The following MAGI1 variants were observed in gnomAD, a reference collection of about 807,000 sequenced individuals.
MAGI1 encodes membrane associated guanylate kinase, WW and PDZ domain containing 1.
In MAGI1, 58 loss-of-function variants were observed where a neutral mutation model predicts 139.9. That is an observed-to-expected ratio of 0.41 (90% CI 0.34 to 0.52). MAGI1 has a LOEUF of 0.52. Among genes scored for constraint, MAGI1 ranks in the 20% least tolerant of loss-of-function variants. The pLI, the probability that MAGI1 is intolerant of heterozygous loss-of-function variation, is 0.12. For missense variants in MAGI1, 1,874 were observed against 1,901.6 expected (o/e 0.99, Z 0.27); for synonymous variants, 812 against 737.9 (o/e 1.10, Z -1.63).
At chr3:65,629,863 C>T (rs1576534533) in intron 1 of MAGI1, among the ~76,000 whole-genome samples, 1 of 151,870 alleles carries the variant, frequency 6.6e-6, no homozygotes, top group African/African-American at 2.4e-5. Flanking sequence ...ATGGCGGTGA[C>T]GGATGCACAA....
At chr3:65,688,455 A>G in intron 1 of MAGI1, 1 of 481,698 alleles carries the variant, frequency 2.1e-6, no homozygotes, top group East Asian at 4.8e-5. Flanking sequence ...GAAAGCATGG[A>G]AACTCAAAAG....
chr3:65,384,759 C>T (rs1173502576), intron 14 of MAGI1, among the ~76,000 whole-genome samples: 1 of 144,310 alleles, frequency 6.9e-6, no homozygotes, highest in African/African-American at 2.6e-5. Flanking sequence ...AACAAACAAA[C>T]AAATAAATAA....
intron 1 of MAGI1, among the ~76,000 whole-genome samples, chr3:65,907,221 T>C (rs781198876): frequency 6.6e-6 from 1 of 152,226 alleles, no homozygotes; most frequent in African/African-American, 2.4e-5. Flanking sequence ...GTTTCAAATA[T>C]AGCATGATGC....
intron 2 of MAGI1, among the ~76,000 whole-genome samples, chr3:65,565,524 C>G (rs532005045): frequency 3.3e-5 from 5 of 152,258 alleles, no homozygotes; most frequent in African/African-American, 9.6e-5. Context: ...TCCAGTATGA[C>G]AGTGTGGCTC....
chr3:65,727,042 A>T (rs2033698938), intron 1 of MAGI1, among the ~76,000 whole-genome samples: 1 of 152,096 alleles, frequency 6.6e-6, no homozygotes, highest in African/African-American at 2.4e-5. Context: ...GTAATTCCAC[A>T]CAATGTTAAC....
chr3:65,449,804 C>A (rs1343840352), intron 6 of MAGI1, among the ~76,000 whole-genome samples: 1 of 151,928 alleles, frequency 6.6e-6, no homozygotes, highest in Non-Finnish European at 1.5e-5. Flanking sequence ...CTCTACTTTT[C>A]CAGAACAGGA....
intron 2 of MAGI1, among the ~76,000 whole-genome samples, chr3:65,591,502 A>T (rs2081962865): frequency 6.6e-6 from 1 of 152,144 alleles, no homozygotes; most frequent in South Asian, 2.1e-4. Context: ...ACTTCCTGTC[A>T]GTGCTCTCTG....
chr3:65,572,759 C>T (rs745734392), intron 2 of MAGI1, among the ~76,000 whole-genome samples: 10 of 151,900 alleles, frequency 6.6e-5, no homozygotes, highest in Admixed American at 1.3e-4. Flanking sequence ...TCATCTTAAA[C>T]GCAGAGAAAT....
chr3:65,840,771 C>T (rs2058776656), intron 1 of MAGI1, among the ~76,000 whole-genome samples: 1 of 152,104 alleles, frequency 6.6e-6, no homozygotes, highest in Non-Finnish European at 1.5e-5. Flanking sequence ...TTATCTTGGT[C>T]TAGTTTTGAT....
At chr3:65,839,022 T>C (rs2058720996) in intron 1 of MAGI1, among the ~76,000 whole-genome samples, 1 of 152,254 alleles carries the variant, frequency 6.6e-6, no homozygotes, top group Non-Finnish European at 1.5e-5. Context: ...TGTTGTCTTT[T>C]GCCCATTTTA....
chr3:65,579,720 G>A lies in MAGI1; in HGVS notation c.430+42252C>T, dbSNP rs181810128. ...AAAGTAGCCGGGAGTGGTGACAGGAGCCTGTAATCCCAGCTACTCGGGAGG... is the reference window on the plus strand; with the variant it reads ...AAAGTAGCCGGGAGTGGTGACAGGAACCTGTAATCCCAGCTACTCGGGAGG... On this transcript the variant is annotated intron_variant, in intron 2 of 22. Coordinates refer to ENST00000402939, the MANE Select transcript of MAGI1 (RefSeq NM_001033057.2). Among the ~76,000 whole-genome samples the A allele has an allele frequency of 6.0e-4, 91 of 152,092 alleles. 1 individual carries two copies. The highest frequency in any genetic ancestry group is 2.0e-3 in the African/African-American group (82 of 41,488).
intron 1 of MAGI1, among the ~76,000 whole-genome samples, chr3:65,706,917 T>A (rs2030404201): frequency 6.6e-6 from 1 of 152,168 alleles, no homozygotes; most frequent in African/African-American, 2.4e-5. Context: ...TTGCTTTAAA[T>A]CCTAGTCCTA....
In MAGI1 at chr3:65,361,227, C is replaced by A; in HGVS notation, c.3606G>T (p.Lys1202Asn). The change falls in exon 22 of 23, where the codon AAG (lysine) becomes AAT (asparagine). Residue 1202 changes from lysine (K) to asparagine (N), a missense_variant. Transcript: ENST00000402939. ...ATTCTGGTACTGAGCCGTCTCCCCG[C>A]TTCAGAAACAGACGAACTCTGCGGC... ...NGGRRVRLFL[K>N]RGDGSVPEYD... The A allele has an allele frequency of 6.2e-7, 1 of 1,614,174 alleles. No individual in the cohort carries two copies. The highest frequency in any genetic ancestry group is 8.5e-7 in the Non-Finnish European group (1 of 1,180,000).
chr3:65,846,491 C>T (rs537512163), intron 1 of MAGI1, among the ~76,000 whole-genome samples: 3 of 152,154 alleles, frequency 2.0e-5, no homozygotes, highest in Non-Finnish European at 4.4e-5. Context: ...CTAGATCTTC[C>T]AGAGTGTTAT....
chr3:65,833,134 G>T (rs79848956), intron 1 of MAGI1, among the ~76,000 whole-genome samples: 663 of 23,302 alleles, frequency 0.028, 8 homozygotes, highest in African/African-American at 0.074. Context: ...TTTTTTTTTT[G>T]GGAGACAGAA....
intron 1 of MAGI1, among the ~76,000 whole-genome samples, chr3:65,724,294 T>G (rs2033373641): frequency 6.6e-6 from 1 of 152,256 alleles, no homozygotes; most frequent in Admixed American, 6.5e-5. Context: ...TTCTGTTTCA[T>G]CTCTCAGGTT....
chr3:65,519,097 A>G (rs1472881166), intron 2 of MAGI1, among the ~76,000 whole-genome samples: 2 of 152,172 alleles, frequency 1.3e-5, no homozygotes, highest in Non-Finnish European at 2.9e-5. Flanking sequence ...GGAGCAAGCT[A>G]TGTGTTTGAA....
intron 1 of MAGI1, among the ~76,000 whole-genome samples, chr3:65,655,119 T>C (rs1190064748): frequency 6.6e-6 from 1 of 152,172 alleles, no homozygotes; most frequent in African/African-American, 2.4e-5. Context: ...TGTGTCTTCC[T>C]ACCAGTGTAA....
At chr3:65,831,584 A>T (rs2042531723) in intron 1 of MAGI1, among the ~76,000 whole-genome samples, 1 of 152,220 alleles carries the variant, frequency 6.6e-6, no homozygotes, top group African/African-American at 2.4e-5. Flanking sequence ...GAAAGTTGGC[A>T]TGCTACCACT....
Sources: gnomAD v4.1 joint callset for allele counts (sites outside exome capture counted in the v4.1 genomes callset) on GRCh38, gnomAD v4.1.1 for gene constraint, MANE v1.5 for transcripts, NCBI Gene and HGNC (gene_info 2026-07-23, HGNC 2026-07-21) for gene names.